The following AP3S1 variants were observed in gnomAD, a reference collection of about 807,000 sequenced individuals.
AP3S1 encodes the protein adaptor related protein complex 3 subunit sigma 1, also known as AP-3 complex subunit sigma-1.
In AP3S1, 12 loss-of-function variants were observed where a neutral mutation model predicts 21.3. The observed-to-expected ratio is 0.56, with a 90% CI of 0.36 to 0.91. The LOEUF (loss-of-function observed/expected upper bound fraction) is 0.91. AP3S1 is among the 40% of genes least tolerant of loss of function. AP3S1 has a pLI of 0.01. For missense variants in AP3S1, 116 were observed against 225.0 expected (o/e 0.52, Z 3.10); for synonymous variants, 48 against 78.4 (o/e 0.61, Z 2.05).
At chr5:115,849,023 G>C (rs1762255453) in intron 1 of AP3S1, among the ~76,000 whole-genome samples, 1 of 151,976 alleles carries the variant, frequency 6.6e-6, no homozygotes, top group South Asian at 2.1e-4. Context: ...GAAGAGGGGT[G>C]GTCTTTCTGG....
At chr5:115,854,166 G>C (rs1426751723) in intron 1 of AP3S1, among the ~76,000 whole-genome samples, 1 of 152,108 alleles carries the variant, frequency 6.6e-6, no homozygotes, top group Non-Finnish European at 1.5e-5. Context: ...TCATTCATGA[G>C]AGCAGAGCCC....
chr5:115,913,292 G>A (rs558612183), intron 5 of AP3S1, 70 bp from the exon 6 acceptor site: 1 of 1,475,390 alleles, frequency 6.8e-7, no homozygotes, highest in African/African-American at 1.4e-5. Context: ...GTCTTCCATT[G>A]TAAGTGTTTT....
intron 1 of AP3S1, among the ~76,000 whole-genome samples, chr5:115,849,739 T>A (rs1054037864): frequency 6.6e-5 from 10 of 152,214 alleles, no homozygotes; most frequent in African/African-American, 2.2e-4. Context: ...AAAGAAGGTG[T>A]TGCTAGGCCA....
chr5:115,892,730 A>G (rs1024865461), intron 3 of AP3S1, among the ~76,000 whole-genome samples: 2 of 152,174 alleles, frequency 1.3e-5, no homozygotes, highest in Admixed American at 6.5e-5. Context: ...AATAGAATGA[A>G]TAAGACCTAC....
intron 3 of AP3S1, among the ~76,000 whole-genome samples, chr5:115,884,775 A>C (rs996302613): frequency 3.3e-5 from 5 of 152,346 alleles, no homozygotes; most frequent in Admixed American, 6.5e-5. Context: ...CTGTTACTTT[A>C]AATTTTTCTG....
chr5:115,883,418 C>T (rs890509410), intron 3 of AP3S1, among the ~76,000 whole-genome samples: 2 of 152,200 alleles, frequency 1.3e-5, no homozygotes, highest in East Asian at 1.9e-4. Flanking sequence ...CACCATCCCT[C>T]ACAGCACAGT....
chr5:115,875,467 T>TA (rs1479102082), intron 3 of AP3S1, among the ~76,000 whole-genome samples: 1 of 152,182 alleles, frequency 6.6e-6, no homozygotes, highest in African/African-American at 2.4e-5. Flanking sequence ...GGGTGACAGA[T>TA]ACACTGTTTA....
At chr5:115,845,906 C>T (rs1414687253) in intron 1 of AP3S1, among the ~76,000 whole-genome samples, 1 of 130,086 alleles carries the variant, frequency 7.7e-6, no homozygotes, top group Non-Finnish European at 1.6e-5. Flanking sequence ...CATCCCTTTT[C>T]GTTTTTGCCT....
At chr5:115,858,174 T>C (rs1474412712) in intron 1 of AP3S1, among the ~76,000 whole-genome samples, 1 of 152,196 alleles carries the variant, frequency 6.6e-6, no homozygotes. Flanking sequence ...TTTACTATCC[T>C]GCCATGGTGG....
chr5:115,892,533 T>C (rs549776027), intron 3 of AP3S1, among the ~76,000 whole-genome samples: 146 of 152,306 alleles, frequency 9.6e-4, no homozygotes, highest in African/African-American at 3.5e-3. Flanking sequence ...GATCTTTATG[T>C]TAAGTGAAAG....
At chr5:115,854,234 A>T (rs1410508110) in intron 1 of AP3S1, among the ~76,000 whole-genome samples, 3 of 152,208 alleles carry the variant, frequency 2.0e-5, no homozygotes, top group Non-Finnish European at 4.4e-5. Context: ...GTTGGAGATT[A>T]AATTTCCAAC....
intron 1 of AP3S1, among the ~76,000 whole-genome samples, chr5:115,863,030 A>C (rs1052926991): frequency 4.6e-5 from 7 of 152,224 alleles, no homozygotes; most frequent in Non-Finnish European, 4.4e-5. Context: ...TGGGAGGCCA[A>C]GGCAGGTGGA....
At chr5:115,902,633 C>T (rs991285807) in intron 4 of AP3S1, among the ~76,000 whole-genome samples, 1 of 151,960 alleles carries the variant, frequency 6.6e-6, no homozygotes, top group Non-Finnish European at 1.5e-5. Flanking sequence ...TTGCTTATTC[C>T]TTTCAACAGT....
At chr5:115,901,183 G>A (rs534585845) in intron 4 of AP3S1, among the ~76,000 whole-genome samples, 58 of 152,080 alleles carry the variant, frequency 3.8e-4, no homozygotes, top group African/African-American at 1.4e-3. Context: ...GAAAATTAAT[G>A]TATATAATAT....
At chr5:115,877,693 C>A (rs1580682945) in intron 3 of AP3S1, among the ~76,000 whole-genome samples, 1 of 152,050 alleles carries the variant, frequency 6.6e-6, no homozygotes, top group Non-Finnish European at 1.5e-5. Flanking sequence ...TAGAATGATT[C>A]GTAATCCTTT....
intron 3 of AP3S1, among the ~76,000 whole-genome samples, chr5:115,885,721 G>GTGAATA (rs1749723088): frequency 6.6e-6 from 1 of 152,114 alleles, no homozygotes; most frequent in African/African-American, 2.4e-5. Flanking sequence ...CTTCACTCAA[G>GTGAATA]TTAACAGCTA....
chr5:115,843,791 G>GA (rs1352188853), intron 1 of AP3S1, among the ~76,000 whole-genome samples: 1 of 152,100 alleles, frequency 6.6e-6, no homozygotes, highest in Non-Finnish European at 1.5e-5. Context: ...ACTATCTATT[G>GA]AAAAATGCAT....
chr5:115,858,732 TCCATATATTTTAAATTC>T (rs1465643867), intron 1 of AP3S1, among the ~76,000 whole-genome samples: 1 of 151,436 alleles, frequency 6.6e-6, no homozygotes, highest in African/African-American at 2.4e-5. Flanking sequence ...TTAAAATTTC[TCCATATATTTTAAATTC>T]CCATGAGCTT....
chr5:115,863,390 A>G (rs183703148), intron 1 of AP3S1, among the ~76,000 whole-genome samples: 65 of 148,778 alleles, frequency 4.4e-4, no homozygotes, highest in African/African-American at 1.5e-3. Flanking sequence ...AGCAAAAACT[A>G]TCTCGAAAAA....
Sources: gnomAD v4.1 joint callset for allele counts (sites outside exome capture counted in the v4.1 genomes callset) on GRCh38, gnomAD v4.1.1 for gene constraint, MANE v1.5 for transcripts, NCBI Gene and HGNC (gene_info 2026-07-23, HGNC 2026-07-21) for gene names.